Variants in AGO2 observed in about 807,000 individuals in gnomAD.
AGO2 encodes the protein argonaute RISC catalytic component 2.
AGO2 carries 5 observed loss-of-function variants against 102.3 expected under a neutral mutation model. That is an observed-to-expected ratio of 0.05 (90% confidence interval 0.03 to 0.10). AGO2 has a LOEUF of 0.10. Ranked by LOEUF, AGO2 falls within the 10% of genes least tolerant of loss-of-function variation. The probability of loss-of-function intolerance (pLI) is 1.00; values close to 1 mark genes in which losing one functional copy is unlikely to be tolerated. For synonymous variants in AGO2, 449 were observed against 473.1 expected, an observed-to-expected ratio of 0.95 and a Z score of 0.66; for missense variants, 541 against 1,183.7, an observed-to-expected ratio of 0.46 and a Z score of 7.97.
rs2072417558 is a variant in AGO2, at chr8:140,521,627, C to T, written c.*10417G>A. On this transcript the variant is annotated 3_prime_UTR_variant, in exon 19 of 19. Transcript: ENST00000220592. ...AAAGCATGGTAAGTCATCAACCTAT[C>T]TCATTTTCTTACCTGTCAGAAAGCC... 1.3e-5 allele frequency: 2 copies of T among 152,340 alleles called. No individual in the cohort carries two copies. Among genetic ancestry groups the T allele is most frequent in the South Asian group, 4.1e-4 (2 of 4,830 alleles). 9.4% of individuals were successfully genotyped at this position (152,340 alleles called of 1,614,324 possible). A position where few individuals can be genotyped will look rare whatever the true frequency, so the allele number is the denominator to read the frequency against.
At chr8:140,575,778 T>A (rs909395289) in intron 2 of AGO2, among the ~76,000 whole-genome samples, 2 of 152,192 alleles carry the variant, frequency 1.3e-5, no homozygotes, top group Non-Finnish European at 2.9e-5. Context: ...GTTCAGTCGA[T>A]ACCAGAAACA....
chr8:140,600,094 C>T lies in AGO2; in HGVS notation c.23-14783G>A, dbSNP rs550038637. 7.9e-5 allele frequency among the ~76,000 whole-genome samples: 12 copies of T among 152,374 alleles called. No individual in the cohort carries two copies. In the South Asian group the frequency reaches 2.5e-3, roughly 32 times the overall value. On this transcript the variant is annotated intron_variant, in intron 1 of 18. Coordinates refer to ENST00000220592, the MANE Select transcript of AGO2 (RefSeq NM_012154.5). ...CGTGACAGCCTCTGTGAAGATGAGA[C>T]GCCTTGGCAGGCACACTGTTAGAGC...
At chr8:140,591,497 T>C (rs1020738801) in intron 1 of AGO2, among the ~76,000 whole-genome samples, 5 of 152,214 alleles carry the variant, frequency 3.3e-5, no homozygotes, top group Admixed American at 6.5e-5. Flanking sequence ...CCTGAAAATA[T>C]GTTAACCTTA....
chr8:140,583,550 T>C (rs1208304915), intron 2 of AGO2, among the ~76,000 whole-genome samples: 15 of 152,126 alleles, frequency 9.9e-5, no homozygotes, highest in African/African-American at 4.8e-5. Flanking sequence ...CGGCAGGCAA[T>C]TGTAACACCA....
chr8:140,558,099 C>CCGTG (rs2132934426), intron 7 of AGO2, among the ~76,000 whole-genome samples: 1 of 152,364 alleles, frequency 6.6e-6, no homozygotes, highest in South Asian at 2.1e-4. Context: ...GCGTACCAAA[C>CCGTG]CGTGCTCTTG....
At chr8:140,586,138 T>C (rs1023950580) in intron 1 of AGO2, among the ~76,000 whole-genome samples, 2 of 152,214 alleles carry the variant, frequency 1.3e-5, no homozygotes, top group Non-Finnish European at 2.9e-5. Flanking sequence ...CACTCCACCC[T>C]TCAATGGCAC....
chr8:140,614,015 CAAAAAAAAAAAA>C (rs59000809), intron 1 of AGO2, among the ~76,000 whole-genome samples: 8 of 57,652 alleles, frequency 1.4e-4, no homozygotes, highest in Non-Finnish European at 1.8e-4. Flanking sequence ...GACCCTGTCT[CAAAAAAAAAAAA>C]AAAAAAAAAA....
At chr8:140,574,251 G>GAAACAA (rs2073431068) in intron 2 of AGO2, among the ~76,000 whole-genome samples, 1 of 151,204 alleles carries the variant, frequency 6.6e-6, no homozygotes, top group South Asian at 2.1e-4. Flanking sequence ...GTACTCTCCT[G>GAAACAA]GCATTTCAGG....
chr8:140,603,241 G>C (rs902330044), intron 1 of AGO2, among the ~76,000 whole-genome samples: 10 of 152,190 alleles, frequency 6.6e-5, no homozygotes, highest in Admixed American at 1.3e-4. Flanking sequence ...ATCTCATCGG[G>C]AAGTCTGTCA....
At position 140,523,558 on chromosome 8, in the gene AGO2, C is replaced by T. The variant is rs940267810; in HGVS notation, c.*8486G>A. The T allele has an allele frequency of 6.6e-6, 1 of 152,152 alleles. No homozygotes were observed. Among genetic ancestry groups the T allele is most frequent in the East Asian group, 1.9e-4 (1 of 5,204 alleles). The allele number at this position is 152,152 out of a possible 1,614,324, so 9.4% of individuals were successfully genotyped here. A position where few individuals can be genotyped will look rare whatever the true frequency, so the allele number is the denominator to read the frequency against. ...ATGAGTAATTAGCCACTTTGCTGCA[C>T]AGAAACTTATAAATTATTCTCTCAA... On this transcript the variant is annotated 3_prime_UTR_variant, in exon 19 of 19. Coordinates refer to ENST00000220592, the MANE Select transcript of AGO2 (RefSeq NM_012154.5).
At chr8:140,631,892 C>G (rs574572450) in intron 1 of AGO2, among the ~76,000 whole-genome samples, 1 of 152,328 alleles carries the variant, frequency 6.6e-6, no homozygotes, top group Admixed American at 6.5e-5. Context: ...ACCCTGATGA[C>G]TGCTAAAGCT....
At chr8:140,543,132 CACAAAACAAA>C (rs907990473) in intron 14 of AGO2, among the ~76,000 whole-genome samples, 4 of 149,528 alleles carry the variant, frequency 2.7e-5, no homozygotes, top group Non-Finnish European at 4.4e-5. Context: ...TACTCTGTCT[CACAAAACAAA>C]ACAAAACAAA....
At chr8:140,570,324 C>T (rs1236278315) in intron 3 of AGO2, among the ~76,000 whole-genome samples, 2 of 152,154 alleles carry the variant, frequency 1.3e-5, no homozygotes, top group African/African-American at 4.8e-5. Context: ...CTCCCGGGTT[C>T]GAGTGATTCT....
At chr8:140,554,423 C>A (rs1053943031) in intron 10 of AGO2, among the ~76,000 whole-genome samples, 3 of 152,212 alleles carry the variant, frequency 2.0e-5, no homozygotes, top group Non-Finnish European at 4.4e-5. Flanking sequence ...GAGGACAAGA[C>A]ACACACGAAC....
chr8:140,522,006 T>C lies in AGO2; in HGVS notation c.*10038A>G, dbSNP rs1398598825. 2 of 152,174 alleles carry C rather than the reference T, an allele frequency of 1.3e-5. No homozygotes were observed. The highest frequency in any genetic ancestry group is 2.9e-5 in the Non-Finnish European group (2 of 68,030). The allele number at this position is 152,174 out of a possible 1,614,324, so 9.4% of individuals were successfully genotyped here. A position where few individuals can be genotyped will look rare whatever the true frequency, so the allele number is the denominator to read the frequency against. On this transcript the variant is annotated 3_prime_UTR_variant, in exon 19 of 19. Coordinates refer to ENST00000220592, the MANE Select transcript of AGO2 (RefSeq NM_012154.5). ...ATGTTAAATTTGCTCTTGGACATTT[T>C]TTTTTTTCTTTTCACAGGGGGGCAG...
intron 1 of AGO2, among the ~76,000 whole-genome samples, chr8:140,598,357 G>A (rs2073880177): frequency 6.6e-6 from 1 of 152,244 alleles, no homozygotes; most frequent in Non-Finnish European, 1.5e-5. Flanking sequence ...GTTACTTGAG[G>A]AAAACCAAAT....
intron 1 of AGO2, among the ~76,000 whole-genome samples, chr8:140,624,026 T>C (rs561067300): frequency 2.6e-5 from 4 of 152,116 alleles, no homozygotes; most frequent in Admixed American, 2.6e-4. Context: ...GAGCCCACCA[T>C]AGGGCGAGAT....
chr8:140,551,559 T>C (rs941164715), intron 10 of AGO2, 123 bp from the exon 11 acceptor site: 4 of 1,153,102 alleles, frequency 3.5e-6, no homozygotes, highest in Admixed American at 3.3e-5. Flanking sequence ...AAAGAACTTT[T>C]GTGTTGTCTC....
chr8:140,552,018 G>A (rs2073008152), intron 10 of AGO2, among the ~76,000 whole-genome samples: 1 of 152,186 alleles, frequency 6.6e-6, no homozygotes, highest in African/African-American at 2.4e-5. Context: ...TGGGAGCTAA[G>A]CCAGGAGGAG....
Sources: gnomAD v4.1 joint callset for allele counts (sites outside exome capture counted in the v4.1 genomes callset) on GRCh38, gnomAD v4.1.1 for gene constraint, MANE v1.5 for transcripts, NCBI Gene and HGNC (gene_info 2026-07-23, HGNC 2026-07-21) for gene names.